E2F8: variants seen among roughly 807,000 people sequenced by gnomAD.
E2F8 encodes the protein transcription factor E2F8.
Under a neutral mutation model 80.8 loss-of-function variants are expected in E2F8, and 35 were observed. The observed-to-expected ratio is 0.43, with a 90% confidence interval of 0.33 to 0.57. The LOEUF (loss-of-function observed/expected upper bound fraction) is 0.57. Ranked by LOEUF, E2F8 falls within the 20% of genes least tolerant of loss-of-function variation. The pLI is 0.04. For synonymous variants in E2F8, 386 were observed against 395.0 expected (o/e 0.98, Z 0.27); for missense variants, 975 against 1,056.2 (o/e 0.92, Z 1.07).
intron 2 of E2F8, among the ~76,000 whole-genome samples, chr11:19,239,173 C>T (rs1011197248): frequency 6.6e-6 from 1 of 152,108 alleles, no homozygotes; most frequent in African/African-American, 2.4e-5. Flanking sequence ...AGTGCATTTC[C>T]GTTTGTATGT....
At chr11:19,231,889 G>C (rs539941263) in intron 7 of E2F8, among the ~76,000 whole-genome samples, 1 of 152,178 alleles carries the variant, frequency 6.6e-6, no homozygotes, top group Admixed American at 6.5e-5. Flanking sequence ...CATGTGGGGC[G>C]GTGAGTAGGA....
chr11:19,230,552 T>G, intron 8 of E2F8, 79 bp downstream of exon 8: 1 of 1,480,448 alleles, frequency 6.8e-7, no homozygotes, highest in Non-Finnish European at 9.3e-7. Flanking sequence ...TGACAACTAT[T>G]GCAAGGATCA....
In E2F8 at chr11:19,225,475, G is replaced by C. The variant is rs1350659513; in HGVS notation, c.2167C>G (p.Pro723Ala). The change falls in exon 12 of 13, where the codon CCT (proline) becomes GCT (alanine). Residue 723 changes from proline to alanine, a missense_variant. Pro to Ala is a conservative substitution (Grantham distance 27). Coordinates refer to ENST00000250024, the MANE Select transcript of E2F8 (RefSeq NM_024680.4). ...GNSPALASSH[P>A]VPIQNPSSAI... The stretch of plus-strand genomic sequence containing the variant: ...GAGCTTGGGTTCTGGATGGGAACAG[G>C]GTGGCTTGAAGCGAGAGCCGGGCTG... The C allele has an allele frequency of 5.0e-6, 8 of 1,614,244 alleles. No homozygotes were observed. The highest frequency in any genetic ancestry group is 2.2e-5 in the East Asian group (1 of 44,888).
At chr11:19,227,800 A>T (rs867720220) in intron 10 of E2F8, among the ~76,000 whole-genome samples, 88 of 152,262 alleles carry the variant, frequency 5.8e-4, no homozygotes, top group African/African-American at 2.1e-3. Context: ...CGAAATGGTT[A>T]AAGTGGGCTG....
intron 2 of E2F8, among the ~76,000 whole-genome samples, chr11:19,239,209 G>A (rs774576930): frequency 2.0e-5 from 3 of 152,162 alleles, no homozygotes; most frequent in African/African-American, 7.2e-5. Flanking sequence ...TTCTTAGCTC[G>A]CAGAAGAGAA....
In E2F8 at chr11:19,230,803, A is replaced by G. The variant is rs578202327; in HGVS notation, c.1098T>C (p.Ser366=). The G allele has an allele frequency of 3.1e-6, 5 of 1,614,156 alleles. No homozygotes were observed. The South Asian group carries it at 4.4e-5, about 14-fold the overall frequency. ...GSSPVIHFTP[S]DLEVRRSSKE... ...TTGAAGACCGTCTCACCTCCAAATC[A>G]GAGGGAGTAAAATGAATGACTGGGC... The change falls in exon 8 of 13, where the codon TCT becomes TCC. Residue 366 remains serine (S), a synonymous_variant. Coordinates refer to ENST00000250024, the MANE Select transcript of E2F8 (RefSeq NM_024680.4).
Position 19,232,390 on chromosome 11 carries a change from A to G in E2F8, c.929-19T>C. The G allele has an allele frequency of 6.3e-7, 1 of 1,589,066 alleles. No individual in the cohort carries two copies. Among genetic ancestry groups the G allele is most frequent in the Non-Finnish European group, 8.6e-7 (1 of 1,166,518 alleles). ...ATTTTTGCTGGGAAAAAAAGTATAT[A>G]TACCACTTAATGGAATAATGAAAAG... On this transcript the variant is annotated intron_variant, in intron 6 of 12. Coordinates refer to ENST00000250024, the MANE Select transcript of E2F8 (RefSeq NM_024680.4).
In E2F8 at chr11:19,229,373, G is replaced by A. The variant is rs1381562272; in HGVS notation, c.1893+81C>T. On this transcript the variant is annotated intron_variant, in intron 10 of 12. Transcript: ENST00000250024. This position sits in a 1 kb window ranked among gnomAD's most constrained non-coding sequence, Gnocchi z 4.3. Reference sequence around the variant, plus strand: ...CTTGTCTTCTGAGAGAATGCTCTTCGGTAAATTTCACAAGCCACCAATCTT... The same window carrying A: ...CTTGTCTTCTGAGAGAATGCTCTTCAGTAAATTTCACAAGCCACCAATCTT... 44 of 1,509,932 alleles carry A rather than the reference G, an allele frequency of 2.9e-5. No individual in the cohort carries two copies. Among genetic ancestry groups the A allele is most frequent in the East Asian group, 2.0e-4 (9 of 44,162 alleles). The allele number at this position is 1,509,932 out of a possible 1,614,324, so 93.5% of individuals were successfully genotyped here.
At chr11:19,225,030 CATG>C (rs1166145110) in intron 12 of E2F8, 188 bp downstream of exon 12, 1 of 1,125,652 alleles carries the variant, frequency 8.9e-7, no homozygotes, top group Non-Finnish European at 1.3e-6. Flanking sequence ...ACAAAAATCT[CATG>C]ATAACCCAAC....
chr11:19,237,652 G>A (rs1286223656), intron 3 of E2F8, among the ~76,000 whole-genome samples, 182 bp from the exon 4 acceptor site: 2 of 152,180 alleles, frequency 1.3e-5, no homozygotes, highest in Non-Finnish European at 2.9e-5. Flanking sequence ...TGAAAGGAAA[G>A]CCTGAAACGA....
intron 4 of E2F8, among the ~76,000 whole-genome samples, chr11:19,235,463 A>G (rs1383915999): frequency 6.6e-6 from 1 of 152,220 alleles, no homozygotes; most frequent in Non-Finnish European, 1.5e-5. Context: ...CCTGGCTAAC[A>G]TGGTGAAACC....
Position 19,224,106 on chromosome 11 carries a change from A to G in E2F8, c.*552T>C, listed in dbSNP as rs961568717. 1 of 152,552 alleles carries G rather than the reference A, an allele frequency of 6.6e-6. No homozygotes were observed. Among genetic ancestry groups the G allele is most frequent in the African/African-American group, 2.4e-5 (1 of 41,474 alleles). The allele number at this position is 152,552 out of a possible 1,614,324, so 9.4% of individuals were successfully genotyped here. On this transcript the variant is annotated 3_prime_UTR_variant, in exon 13 of 13. Transcript: ENST00000250024. ...TAATTTGAACAACTTATGATTAAAA[A>G]TACATTTTATAAATAATTTTTCCAT...
chr11:19,230,458 A>G (rs1851348159), intron 8 of E2F8, 130 bp from the exon 9 acceptor site: 4 of 1,203,140 alleles, frequency 3.3e-6, no homozygotes, highest in Non-Finnish European at 4.7e-6. Flanking sequence ...CGATTAAACA[A>G]TAAACCCCAC....
rs943644549 is a variant in E2F8, at chr11:19,229,051, A to C, written c.1893+403T>G. ...CTTCTAGGCAACAGATGCCAGTTACATGACAACAAACAAACATTAGGTAAT... is the reference window on the plus strand; with the variant it reads ...CTTCTAGGCAACAGATGCCAGTTACCTGACAACAAACAAACATTAGGTAAT... On this transcript the variant is annotated intron_variant, in intron 10 of 12. Coordinates refer to ENST00000250024, the MANE Select transcript of E2F8 (RefSeq NM_024680.4). The surrounding 1 kb of genome is among the most constrained non-coding windows in gnomAD (Gnocchi z 4.3). Among the ~76,000 whole-genome samples the C allele has an allele frequency of 4.6e-5, 7 of 152,258 alleles. No homozygotes were observed. The highest frequency in any genetic ancestry group is 8.8e-5 in the Non-Finnish European group (6 of 68,048).
chr11:19,225,103 C>T lies in E2F8; in HGVS notation c.2421+118G>A, dbSNP rs536779202. 159 of 1,423,640 alleles carry T rather than the reference C, an allele frequency of 1.1e-4. No homozygotes were observed. In the East Asian group the frequency reaches 2.6e-3, roughly 23 times the overall value. The allele number at this position is 1,423,640 out of a possible 1,614,324, so 88.2% of individuals were successfully genotyped here. ...GGAAGAAACATAGGCCTTCAATCTC[C>T]TGACTTTCCCATCCTTTCCCTCTCC... is the stretch of plus-strand genomic sequence containing the variant. On this transcript the variant is annotated intron_variant, in intron 12 of 12. Coordinates refer to ENST00000250024, the MANE Select transcript of E2F8 (RefSeq NM_024680.4).
In E2F8 at chr11:19,225,843, G is replaced by T; in HGVS notation, c.1915C>A (p.Leu639Ile). The change falls in exon 11 of 13, where the codon CTA becomes ATA. Residue 639 changes from leucine (L) to isoleucine (I), a missense_variant. Leu to Ile is a conservative substitution (Grantham distance 5). Coordinates refer to ENST00000250024, the MANE Select transcript of E2F8 (RefSeq NM_024680.4). ...GATGAGCACTGCGTGAGAGGGATTA[G>T]GTATCCTGATGGGAACAAGGTCTAG... is the stretch of plus-strand genomic sequence containing the variant. ...VSATLFPSGY[L>I]IPLTQCSSLG... 1.9e-6 allele frequency: 3 copies of T among 1,614,106 alleles called. No individual in the cohort carries two copies. Among genetic ancestry groups the T allele is most frequent in the South Asian group, 2.2e-5 (2 of 91,074 alleles).
At position 19,230,635 on chromosome 11, in the gene E2F8, G is replaced by A; in HGVS notation, c.1266C>T (p.Asn422=). 3 of 1,613,972 alleles carry A rather than the reference G, an allele frequency of 1.9e-6. No individual in the cohort carries two copies. Among genetic ancestry groups the A allele is most frequent in the Non-Finnish European group, 2.5e-6 (3 of 1,179,910 alleles). ...CTGACATTCCTGAAAACATACCTTT[G>A]TTGGTCTTGATAGGGCTACTGGGCG... The part of the protein sequence containing the change: ...NSAPSSPIKT[N]KAESSQNSAP... Residue 422 remains asparagine (N), a synonymous_variant, in exon 8 of 13, where the codon AAC becomes AAT. Coordinates refer to ENST00000250024, the MANE Select transcript of E2F8 (RefSeq NM_024680.4).
chr11:19,230,350 G>T, intron 8 of E2F8, 22 bp from the exon 9 acceptor site: 1 of 1,605,852 alleles, frequency 6.2e-7, no homozygotes, highest in South Asian at 1.1e-5. Context: ...GAAAGGAAGA[G>T]AGCACCGGTC....
chr11:19,230,420 G>T, intron 8 of E2F8, 92 bp from the exon 9 acceptor site: 1 of 1,342,426 alleles, frequency 7.4e-7, no homozygotes, highest in Non-Finnish European at 1.0e-6. Context: ...GGAACAGAAA[G>T]TGTGCACCTC....
Sources: allele counts gnomAD v4.1 joint callset (sites outside exome capture counted in the v4.1 genomes callset), GRCh38; gene constraint gnomAD v4.1.1; non-coding constraint Gnocchi (gnomAD v3.1); transcripts MANE v1.5; gene names NCBI Gene and HGNC (gene_info 2026-07-23, HGNC 2026-07-21).